CHN1: variants seen among roughly 807,000 people sequenced by gnomAD.
CHN1 encodes the protein chimerin 1.
CHN1 carries 37 observed loss-of-function variants against 59.5 expected under a neutral mutation model. The ratio of observed to expected loss-of-function variants is 0.62; its 90% CI spans 0.48 to 0.82. The LOEUF (loss-of-function observed/expected upper bound fraction) is 0.82. Among genes scored for constraint, CHN1 ranks in the 40% least tolerant of loss-of-function variants. The probability of loss-of-function intolerance (pLI) is 0.00; values close to 1 mark genes in which losing one functional copy is unlikely to be tolerated. For missense variants in CHN1, 469 were observed against 571.0 expected (o/e 0.82, Z 1.82); for synonymous variants, 206 against 200.4 (o/e 1.03, Z -0.24).
intron 5 of CHN1, among the ~76,000 whole-genome samples, chr2:174,904,138 C>T (rs1000765690): frequency 9.9e-5 from 15 of 151,916 alleles, no homozygotes; most frequent in Middle Eastern, 6.8e-3. Flanking sequence ...TGGTGCATGC[C>T]TGTAGTCCCA....
chr2:174,914,338 A>G (rs892929677), intron 5 of CHN1, among the ~76,000 whole-genome samples: 15 of 152,232 alleles, frequency 9.9e-5, no homozygotes, highest in Admixed American at 3.3e-4. Flanking sequence ...AGTGAAGCTC[A>G]GCTGATAGGG....
At chr2:174,914,377 T>C (rs914307689) in intron 5 of CHN1, among the ~76,000 whole-genome samples, 3 of 152,148 alleles carry the variant, frequency 2.0e-5, no homozygotes, top group African/African-American at 4.8e-5. Context: ...AGAAAAACTG[T>C]TCCAACCAAA....
intron 1 of CHN1, among the ~76,000 whole-genome samples, chr2:174,990,782 T>C (rs1691523589): frequency 6.6e-6 from 1 of 152,190 alleles, no homozygotes; most frequent in Non-Finnish European, 1.5e-5. Flanking sequence ...AAAAGAAACA[T>C]GAATTGCATT....
At chr2:174,826,010 A>G (rs145260891) in intron 7 of CHN1, among the ~76,000 whole-genome samples, 37 of 152,336 alleles carry the variant, frequency 2.4e-4, no homozygotes, top group African/African-American at 8.2e-4. Context: ...CATTGGCCCA[A>G]ATATCCATAT....
intron 10 of CHN1, 157 bp downstream of exon 10, chr2:174,811,354 T>C (rs1685066087): frequency 5.5e-6 from 3 of 545,164 alleles, no homozygotes; most frequent in Middle Eastern, 4.5e-4. Context: ...TACTTACAAC[T>C]CAGAAAAAAG....
At chr2:174,910,647 A>AAAAATGTTT (rs1688668418) in intron 5 of CHN1, among the ~76,000 whole-genome samples, 1 of 152,224 alleles carries the variant, frequency 6.6e-6, no homozygotes, top group South Asian at 2.1e-4. Context: ...TAAAAATAGC[A>AAAAATGTTT]AGAAAAAAAT....
intron 5 of CHN1, among the ~76,000 whole-genome samples, chr2:174,896,261 C>T (rs1688215453): frequency 6.6e-6 from 1 of 152,112 alleles, no homozygotes; most frequent in African/African-American, 2.4e-5. Flanking sequence ...ATTAGATATG[C>T]TAAAGATTAC....
chr2:174,930,972 G>A (rs533775135), intron 3 of CHN1, among the ~76,000 whole-genome samples: 9 of 152,152 alleles, frequency 5.9e-5, no homozygotes, highest in South Asian at 4.2e-4. Flanking sequence ...GTTTCACTAC[G>A]TTAGCCAGGA....
At chr2:174,878,893 T>A (rs1687653431) in intron 5 of CHN1, among the ~76,000 whole-genome samples, 1 of 152,242 alleles carries the variant, frequency 6.6e-6, no homozygotes, top group Non-Finnish European at 1.5e-5. Context: ...TTATGATAAT[T>A]TCAGTATTTT....
At chr2:174,963,523 A>G (rs1690488419) in intron 1 of CHN1, among the ~76,000 whole-genome samples, 1 of 152,218 alleles carries the variant, frequency 6.6e-6, no homozygotes, top group African/African-American at 2.4e-5. Context: ...CAGAAACAAG[A>G]AAGTTCAGTA....
rs543364007 is a variant in CHN1, at chr2:174,847,146, G to A, written c.550-189C>T. On this transcript the variant is annotated intron_variant, in intron 6 of 12. Coordinates refer to ENST00000409900, the MANE Select transcript of CHN1 (RefSeq NM_001822.7). ...TTGGATGGCATTTTGGAATTCACAA[G>A]GAAAGAAAACCTATAGTGGTCTATG... 16 of 1,545,608 alleles carry A rather than the reference G, an allele frequency of 1.0e-5. No homozygotes were observed. In the African/African-American group the frequency reaches 1.1e-4, roughly 11 times the overall value.
intron 1 of CHN1, among the ~76,000 whole-genome samples, chr2:174,994,517 C>T (rs1369646649): frequency 6.6e-6 from 1 of 152,162 alleles, no homozygotes; most frequent in Non-Finnish European, 1.5e-5. Flanking sequence ...ATAGCTTTCC[C>T]ATTAGGGAAC....
At position 174,812,321 on chromosome 2, in the gene CHN1, T is replaced by C. The variant is rs1338747679; in HGVS notation, c.874A>G (p.Ile292Val). The C allele has an allele frequency of 6.2e-7, 1 of 1,612,406 alleles. No individual in the cohort carries two copies. Among genetic ancestry groups the C allele is most frequent in the African/African-American group, 1.3e-5 (1 of 75,008 alleles). Residue 292 changes from isoleucine (I) to valine (V), a missense_variant, in exon 9 of 13, where the codon ATT becomes GTT. Ile to Val is a conservative substitution (Grantham distance 29, BLOSUM62 3). Around this residue, in one of 5 missense-constraint regions of CHN1, gnomAD observed 225 missense variants for 289.9 expected, o/e 0.78. Coordinates refer to ENST00000409900, the MANE Select transcript of CHN1 (RefSeq NM_001822.7). Reference protein sequence around the residue: ...PMVVDMCIREIESRGLNSEGL... With the variant: ...PMVVDMCIREVESRGLNSEGL... ...GCAAATGGCTCACCTCTAGACTCAATCTCCCTGATGCACATGTCTACCACC... is the reference window on the plus strand; with the variant it reads ...GCAAATGGCTCACCTCTAGACTCAACCTCCCTGATGCACATGTCTACCACC...
In CHN1 at chr2:174,800,012, C is replaced by G. The variant is rs1684667935; in HGVS notation, c.*104G>C. 5.4e-6 allele frequency: 6 copies of G among 1,116,522 alleles called. No homozygotes were observed. Among genetic ancestry groups the G allele is most frequent in the South Asian group, 5.3e-5 (4 of 74,802 alleles). The allele number at this position is 1,116,522 out of a possible 1,614,324, so 69.2% of individuals were successfully genotyped here. On this transcript the variant is annotated 3_prime_UTR_variant, in exon 13 of 13. Coordinates refer to ENST00000409900, the MANE Select transcript of CHN1 (RefSeq NM_001822.7). Reference sequence around the variant, plus strand: ...TCCTTCACTTTAATCTGGTTATATGCCCAAACCTCTAATCAAGAAATAATG... The same window carrying G: ...TCCTTCACTTTAATCTGGTTATATGGCCAAACCTCTAATCAAGAAATAATG...
intron 8 of CHN1, among the ~76,000 whole-genome samples, chr2:174,823,827 T>A (rs1685588446): frequency 6.6e-6 from 1 of 152,230 alleles, no homozygotes; most frequent in South Asian, 2.1e-4. Flanking sequence ...AATCTTTTGG[T>A]TTCTAAATTT....
rs536031138 is a variant in CHN1, at chr2:174,998,167, G to A, written c.19+6727C>T. Among the ~76,000 whole-genome samples the A allele has an allele frequency of 3.3e-5, 5 of 151,638 alleles. No individual in the cohort carries two copies. In the South Asian group the frequency reaches 1.0e-3, roughly 32 times the overall value. ...AATACGCAAAAATTAGCCAGGCATT[G>A]TGGCACATGCCTATGGTCCCAGCTA... On this transcript the variant is annotated intron_variant, in intron 1 of 12. Coordinates refer to ENST00000409900, the MANE Select transcript of CHN1 (RefSeq NM_001822.7).
At chr2:174,992,010 G>A (rs991887112) in intron 1 of CHN1, among the ~76,000 whole-genome samples, 5 of 152,216 alleles carry the variant, frequency 3.3e-5, no homozygotes, top group African/African-American at 1.2e-4. Flanking sequence ...CAAATGTCAT[G>A]AGAGATTCAC....
At chr2:174,994,684 G>A (rs1205567341) in intron 1 of CHN1, among the ~76,000 whole-genome samples, 2 of 152,192 alleles carry the variant, frequency 1.3e-5, no homozygotes, top group East Asian at 1.9e-4. Context: ...GCTGAGTTTT[G>A]CAAGATGTGT....
chr2:174,945,236 T>A (rs1437343558), intron 2 of CHN1: 2 of 465,842 alleles, frequency 4.3e-6, no homozygotes, highest in Non-Finnish European at 8.5e-6. Context: ...TTTTCCCCAG[T>A]TCTTTGTGGG....
Sources: gnomAD v4.1 joint callset for allele counts (sites outside exome capture counted in the v4.1 genomes callset) on GRCh38, gnomAD v4.1.1 for gene constraint, gnomAD v4.1.1 regional missense constraint, MANE v1.5 for transcripts, NCBI Gene and HGNC (gene_info 2026-07-23, HGNC 2026-07-21) for gene names.